The following RFX7 variants were observed in gnomAD, a reference collection of about 807,000 sequenced individuals.
The protein encoded by RFX7 is DNA-binding protein RFX7.
In RFX7, 26 loss-of-function variants were observed where a neutral mutation model predicts 111.8. That is an observed-to-expected ratio of 0.23 (90% confidence interval 0.17 to 0.32). The LOEUF is 0.32. Among genes scored for constraint, RFX7 ranks in the 10% least tolerant of loss-of-function variants. The pLI is 1.00. For synonymous variants in RFX7, 624 were observed against 624.4 expected, an observed-to-expected ratio of 1.00 and a Z score of 0.01; for missense variants, 1,573 against 1,772.9, an observed-to-expected ratio of 0.89 and a Z score of 2.02.
At position 56,092,419 on chromosome 15, in the gene RFX7, A is replaced by G. The variant is rs1323052678; in HGVS notation, c.*926T>C. ...CTGATTATTGTGGAATATTTTAATG[A>G]AAAATTTCAAAGTAAATCTCAGTTA... On this transcript the variant is annotated 3_prime_UTR_variant, in exon 10 of 10. Transcript: ENST00000559447. 6.6e-6 allele frequency: 1 copy of G among 152,270 alleles called. No homozygotes were observed. Among genetic ancestry groups the G allele is most frequent in the Non-Finnish European group, 1.5e-5 (1 of 67,990 alleles). The allele number at this position is 152,270 out of a possible 1,614,324, so 9.4% of individuals were successfully genotyped here. A position where few individuals can be genotyped will look rare whatever the true frequency, so the allele number is the denominator to read the frequency against.
chr15:56,134,146 A>C lies in RFX7; in HGVS notation c.401+8632T>G, dbSNP rs59900579. Among the ~76,000 whole-genome samples the C allele has an allele frequency of 4.5e-3, 683 of 152,242 alleles. 8 individuals carry two copies. The highest frequency in any genetic ancestry group is 0.016 in the African/African-American group (651 of 41,560). On this transcript the variant is annotated intron_variant, in intron 5 of 9. Coordinates refer to ENST00000559447, the MANE Select transcript of RFX7 (RefSeq NM_022841.7). ...TAACCTATTATGAACTCACTCATGA[A>C]ATCTGAGTTCTAGTCTTAGATCTGC...
rs762500185 is a variant in RFX7 at position 56,101,579 on chromosome 15, A to G, written c.604-13T>C. 1 of 1,606,204 alleles carries G rather than the reference A, an allele frequency of 6.2e-7. No individual in the cohort carries two copies. Among genetic ancestry groups the G allele is most frequent in the Non-Finnish European group, 8.5e-7 (1 of 1,173,652 alleles). On this transcript the variant is annotated splice_polypyrimidine_tract_variant and intron_variant, in intron 7 of 9. Transcript: ENST00000559447. ...CAGCTCCTTCCAACTAGGCAAAGAA[A>G]AAAGGAAATGTTAACTTGTAAAAGA...
intron 5 of RFX7, among the ~76,000 whole-genome samples, chr15:56,111,168 C>A (rs200881423): frequency 0.31 from 40,169 of 131,160 alleles, 7,238 homozygotes; most frequent in East Asian, 0.4. Context: ...TCATTGAGAA[C>A]GGGCCAGGAT....
intron 2 of RFX7, among the ~76,000 whole-genome samples, chr15:56,221,107 G>C (rs1345468760): frequency 6.6e-6 from 1 of 152,146 alleles, no homozygotes; most frequent in Admixed American, 6.5e-5. Context: ...TTTGAAGTCA[G>C]GTTAATGTGA....
At chr15:56,097,754 A>AAAAAAAAAAT (rs2041700458) in intron 9 of RFX7, among the ~76,000 whole-genome samples, 1 of 129,750 alleles carries the variant, frequency 7.7e-6, no homozygotes, top group Non-Finnish European at 1.8e-5. Context: ...CTCAAAAAAA[A>AAAAAAAAAAT]AAAAAAAAAA....
chr15:56,124,185 G>A (rs1436779054), intron 5 of RFX7, among the ~76,000 whole-genome samples: 5 of 152,158 alleles, frequency 3.3e-5, no homozygotes, highest in Admixed American at 2.6e-4. Flanking sequence ...CACTTTGGGA[G>A]GCCGAGGCAG....
chr15:56,190,763 C>T (rs1372507930), intron 2 of RFX7, among the ~76,000 whole-genome samples: 1 of 152,154 alleles, frequency 6.6e-6, no homozygotes, highest in Non-Finnish European at 1.5e-5. Flanking sequence ...CACTCTTAAA[C>T]ATACTCAGAT....
Position 56,167,879 on chromosome 15 carries a change from A to G in RFX7, c.195+11391T>C, listed in dbSNP as rs763738989. On this transcript the variant is annotated intron_variant, in intron 3 of 9. Coordinates refer to ENST00000559447, the MANE Select transcript of RFX7 (RefSeq NM_022841.7). ...AAGTTTTTAAAATGGCATTCAGACAACCTGCTTATAAAAACAGACTGTGTT... is the reference window on the plus strand; with the variant it reads ...AAGTTTTTAAAATGGCATTCAGACAGCCTGCTTATAAAAACAGACTGTGTT... Among the ~76,000 whole-genome samples, 9 of 152,338 alleles carry G rather than the reference A, an allele frequency of 5.9e-5. No individual in the cohort carries two copies. The East Asian group carries it at 1.7e-3, about 29-fold the overall frequency.
chr15:56,161,566 T>C (rs978155151), intron 3 of RFX7, among the ~76,000 whole-genome samples: 8 of 152,106 alleles, frequency 5.3e-5, no homozygotes, highest in Non-Finnish European at 1.2e-4. Flanking sequence ...GCCTGTTTAA[T>C]ACTTTAAAGA....
In RFX7 at chr15:56,089,182, AAC is replaced by A. The variant is rs1461928730; in HGVS notation, c.*4161_*4162del. 2.0e-5 allele frequency: 3 copies of A among 152,282 alleles called. No homozygotes were observed. The highest frequency in any genetic ancestry group is 7.2e-5 in the African/African-American group (3 of 41,440). The allele number at this position is 152,282 out of a possible 1,614,324, so 9.4% of individuals were successfully genotyped here. ...AGCCTTTGTTTAATACAATGAGACT[AAC>A]AGTGTGTGTGTATGGAGTGCTTAAT... On this transcript the variant is annotated 3_prime_UTR_variant, in exon 10 of 10. Coordinates refer to ENST00000559447, the MANE Select transcript of RFX7 (RefSeq NM_022841.7).
At position 56,094,549 on chromosome 15, in the gene RFX7, G is replaced by A; in HGVS notation, c.3179C>T (p.Thr1060Ile). 6.2e-7 allele frequency: 1 copy of A among 1,613,928 alleles called. No homozygotes were observed. Among genetic ancestry groups the A allele is most frequent in the Non-Finnish European group, 8.5e-7 (1 of 1,179,870 alleles). ...CCCATTATTCATCCATTCAAGCTTGGTTTTGTCAGGGTGTGTGGCCATGGG... is the reference window on the plus strand; with the variant it reads ...CCCATTATTCATCCATTCAAGCTTGATTTTGTCAGGGTGTGTGGCCATGGG... ...QRPMATHPDK[T>I]KLEWMNNGYS... The change falls in exon 10 of 10, where the codon ACC (threonine) becomes ATC (isoleucine). Residue 1060 changes from threonine to isoleucine, a missense_variant. Around this residue, in one of 7 missense-constraint regions of RFX7, gnomAD observed 32 missense variants for 67.7 expected, o/e 0.47. Transcript: ENST00000559447.
intron 3 of RFX7, among the ~76,000 whole-genome samples, chr15:56,172,401 G>C (rs1290655438): frequency 1.3e-5 from 2 of 152,078 alleles, no homozygotes; most frequent in Non-Finnish European, 2.9e-5. Context: ...GTAAAATTAA[G>C]CATTTAACTA....
intron 2 of RFX7, among the ~76,000 whole-genome samples, chr15:56,216,310 T>C (rs2043362427): frequency 6.6e-6 from 1 of 152,212 alleles, no homozygotes; most frequent in African/African-American, 2.4e-5. Flanking sequence ...AAGAACTAAC[T>C]CCATTTCCTT....
At chr15:56,141,086 A>G (rs912820414) in intron 5 of RFX7, among the ~76,000 whole-genome samples, 1 of 152,234 alleles carries the variant, frequency 6.6e-6, no homozygotes, top group Non-Finnish European at 1.5e-5. Flanking sequence ...ATCTTTGGAT[A>G]ATTAGTCCTT....
At chr15:56,240,413 T>C (rs2141246723) in intron 2 of RFX7, among the ~76,000 whole-genome samples, 1 of 152,312 alleles carries the variant, frequency 6.6e-6, no homozygotes, top group Non-Finnish European at 1.5e-5. Context: ...TTTCCAACTC[T>C]TTTCCACTCA....
chr15:56,128,485 T>C (rs957068607), intron 5 of RFX7, among the ~76,000 whole-genome samples: 2 of 152,180 alleles, frequency 1.3e-5, no homozygotes, highest in East Asian at 1.9e-4. Context: ...ACCTTTGATA[T>C]AATCATCTCA....
rs779913941 is a variant in RFX7, at chr15:56,095,933, T to C, written c.1795A>G (p.Arg599Gly). The C allele has an allele frequency of 1.2e-6, 2 of 1,606,788 alleles. No individual in the cohort carries two copies. Among genetic ancestry groups the C allele is most frequent in the East Asian group, 4.5e-5 (2 of 44,876 alleles). The change falls in exon 10 of 10, where the codon AGG (arginine) becomes GGG (glycine). Residue 599 changes from arginine to glycine, a missense_variant. Arg to Gly is a moderately radical substitution (Grantham distance 125). Transcript: ENST00000559447. ...EIKATKVCDQ[R>G]TKCKSRCNEM... ...TTACAGCGACTTTTACATTTGGTCCTCTGGTCACAGACCTTAGTTGCTTTT... is the reference window on the plus strand; with the variant it reads ...TTACAGCGACTTTTACATTTGGTCCCCTGGTCACAGACCTTAGTTGCTTTT...
Position 56,094,158 on chromosome 15 carries a change from T to A in RFX7, c.3570A>T (p.Arg1190=). ...GACTTCCAAAGGGGGTCACATTAGA[T>A]CGTGGGATATTAGATACTGGATAGA... is the stretch of plus-strand genomic sequence containing the variant. ...STLYPVSNIP[R]SNVTPFGSPV... is the part of the protein sequence containing the mutation. Residue 1190 remains arginine (R), a synonymous_variant, in exon 10 of 10, where the codon CGA becomes CGT. Coordinates refer to ENST00000559447, the MANE Select transcript of RFX7 (RefSeq NM_022841.7). 1 of 1,613,886 alleles carries A rather than the reference T, an allele frequency of 6.2e-7. No individual in the cohort carries two copies. The highest frequency in any genetic ancestry group is 8.5e-7 in the Non-Finnish European group (1 of 1,179,868).
chr15:56,158,603 G>C (rs1330133277), intron 3 of RFX7, among the ~76,000 whole-genome samples: 2 of 152,058 alleles, frequency 1.3e-5, no homozygotes, highest in African/African-American at 4.8e-5. Context: ...TTATGTAGCT[G>C]AAACATTTAA....
Sources: allele counts gnomAD v4.1 joint callset (sites outside exome capture counted in the v4.1 genomes callset), GRCh38; gene constraint gnomAD v4.1.1; regional missense constraint gnomAD v4.1.1; transcripts MANE v1.5; gene names NCBI Gene and HGNC (gene_info 2026-07-23, HGNC 2026-07-21).